Variants in MAOB observed in about 807,000 individuals in gnomAD.
MAOB encodes monoamine oxidase B, also known as amine oxidase [flavin-containing] B.
MAOB carries 15 observed loss-of-function variants against 41.9 expected under a neutral mutation model. The ratio of observed to expected loss-of-function variants is 0.36; its 90% CI spans 0.24 to 0.55. The LOEUF (loss-of-function observed/expected upper bound fraction) is 0.55. Ranked by LOEUF, MAOB falls within the 20% of genes least tolerant of loss-of-function variation. MAOB has a pLI of 0.86. For synonymous variants in MAOB, 167 were observed against 144.2 expected, an observed-to-expected ratio of 1.16 and a Z score of -1.13; for missense variants, 345 against 398.7, an observed-to-expected ratio of 0.87 and a Z score of 1.15.
Position 43,774,070 on chromosome X carries a change from T to C in MAOB, c.1235+1105A>G, listed in dbSNP as rs1260715926. On this transcript the variant is annotated intron_variant, in intron 12 of 14. Coordinates refer to ENST00000378069, the MANE Select transcript of MAOB (RefSeq NM_000898.5). ...ACCAAAGTTATTACGTATCTTCTGA[T>C]AAGCAGGTTTTACTCCTTATTCGAC... 3.6e-5 allele frequency among the ~76,000 whole-genome samples: 4 copies of C among 112,086 alleles called. No homozygotes were observed. In the East Asian group the frequency reaches 8.4e-4, roughly 24 times the overall value.
At chrX:43,778,850 C>G (rs1398574032) in intron 10 of MAOB, 111 bp from the exon 11 acceptor site, 15 of 535,774 alleles carry the variant, frequency 2.8e-5, no homozygotes, top group Non-Finnish European at 4.6e-5. Context: ...GCCATTGATT[C>G]CACTCCAGCA....
At chrX:43,857,010 G>A (rs1024419633) in intron 1 of MAOB, among the ~76,000 whole-genome samples, 11 of 92,717 alleles carry the variant, frequency 1.2e-4, no homozygotes, top group South Asian at 5.6e-4. Context: ...TTTCTACACC[G>A]CTAGCATCCC....
intron 3 of MAOB, among the ~76,000 whole-genome samples, chrX:43,817,032 A>G (rs1366393197): frequency 9.0e-6 from 1 of 111,008 alleles, no homozygotes; most frequent in East Asian, 2.8e-4. Flanking sequence ...TCTTCCTCCC[A>G]GAAGTTATTT....
At chrX:43,808,216 C>T (rs960549044) in intron 3 of MAOB, among the ~76,000 whole-genome samples, 9 of 112,344 alleles carry the variant, frequency 8.0e-5, no homozygotes, top group African/African-American at 2.3e-4. Flanking sequence ...AAACCATAAG[C>T]AGCTAAATAG....
chrX:43,800,146 T>C (rs2034574404), intron 5 of MAOB, among the ~76,000 whole-genome samples: 2 of 111,226 alleles, frequency 1.8e-5, no homozygotes, highest in Admixed American at 9.6e-5. Flanking sequence ...CAGAATGCTT[T>C]ATTTTGTCAA....
intron 3 of MAOB, among the ~76,000 whole-genome samples, chrX:43,836,149 C>T (rs1485680392): frequency 8.9e-6 from 1 of 111,903 alleles, no homozygotes; most frequent in African/African-American, 3.2e-5. Context: ...GTTCAAATTC[C>T]CAAAGTACTG....
intron 1 of MAOB, among the ~76,000 whole-genome samples, chrX:43,852,034 C>A (rs956725514): frequency 1.8e-5 from 2 of 111,672 alleles, no homozygotes; most frequent in Admixed American, 9.5e-5. Flanking sequence ...CAGGTCTTTG[C>A]CCTTCAGTAG....
chrX:43,861,595 A>G (rs1205813250), intron 1 of MAOB, among the ~76,000 whole-genome samples: 2 of 111,736 alleles, frequency 1.8e-5, no homozygotes, highest in Non-Finnish European at 3.8e-5. Context: ...TAAAATCTAC[A>G]GTCTCCTTTC....
intron 12 of MAOB, among the ~76,000 whole-genome samples, chrX:43,773,357 G>C (rs928682709): frequency 1.8e-5 from 2 of 111,635 alleles, no homozygotes; most frequent in African/African-American, 6.5e-5. Context: ...TTCCCTTCCA[G>C]GGACATATGT....
chrX:43,790,068 A>C (rs1224173624), intron 8 of MAOB, among the ~76,000 whole-genome samples: 1 of 110,847 alleles, frequency 9.0e-6, no homozygotes, highest in Non-Finnish European at 1.9e-5. Context: ...TAAAACCAAA[A>C]CTCTGGTGAT....
At chrX:43,801,219 C>A (rs1386050014) in intron 5 of MAOB, among the ~76,000 whole-genome samples, 1 of 109,311 alleles carries the variant, frequency 9.1e-6, no homozygotes, top group Non-Finnish European at 1.9e-5. Context: ...ATGCTGGTGC[C>A]TCTCTCTTCT....
At chrX:43,802,330 T>C in intron 4 of MAOB, 67 bp from the exon 5 acceptor site, 1 of 768,051 alleles carries the variant, frequency 1.3e-6, no homozygotes, top group Non-Finnish European at 1.9e-6. Flanking sequence ...TATTCATTTT[T>C]GTAATTTTCC....
chrX:43,812,484 T>A (rs1204902706), intron 3 of MAOB, among the ~76,000 whole-genome samples: 1 of 112,044 alleles, frequency 8.9e-6, no homozygotes, highest in Non-Finnish European at 1.9e-5. Context: ...TATTCCCTTT[T>A]TTCTACATCC....
At chrX:43,839,060 C>T (rs1385893108) in intron 2 of MAOB, 55 bp from the exon 3 acceptor site, 7 of 912,516 alleles carry the variant, frequency 7.7e-6, no homozygotes, top group Non-Finnish European at 1.0e-5. Context: ...TATAAAATAA[C>T]AAAAGACAGT....
intron 9 of MAOB, among the ~76,000 whole-genome samples, chrX:43,780,620 A>G (rs141092746): frequency 1.2e-3 from 139 of 112,120 alleles, no homozygotes; most frequent in African/African-American, 4.4e-3. Context: ...AAAGTAGATG[A>G]CTGGCCATAA....
chrX:43,859,242 T>G (rs1041301851), intron 1 of MAOB, among the ~76,000 whole-genome samples: 1 of 110,941 alleles, frequency 9.0e-6, no homozygotes, highest in African/African-American at 3.3e-5. Flanking sequence ...AATCCAGGTG[T>G]TTTTTTTCTG....
chrX:43,783,811 G>A (rs1421501587), intron 8 of MAOB, among the ~76,000 whole-genome samples: 1 of 111,943 alleles, frequency 8.9e-6, no homozygotes. Flanking sequence ...TTTCTCTGAA[G>A]GCTGCGATGC....
intron 3 of MAOB, among the ~76,000 whole-genome samples, chrX:43,829,785 T>C (rs1258768392): frequency 3.6e-5 from 4 of 112,217 alleles, no homozygotes; most frequent in African/African-American, 1.3e-4. Flanking sequence ...ACATATGTTT[T>C]GTACGGGTTT....
chrX:43,795,395 G>GCAGATATCC (rs201024954), intron 7 of MAOB, among the ~76,000 whole-genome samples: 2,178 of 112,211 alleles, frequency 0.019, 61 homozygotes, highest in South Asian at 0.18. Flanking sequence ...CTCCAGTTGT[G>GCAGATATCC]CAGATATCCA....
Sources: allele counts gnomAD v4.1 joint callset (sites outside exome capture counted in the v4.1 genomes callset), GRCh38; gene constraint gnomAD v4.1.1; transcripts MANE v1.5; gene names NCBI Gene and HGNC (gene_info 2026-07-23, HGNC 2026-07-21).